The following DOK6 variants were observed in gnomAD, a reference collection of about 807,000 sequenced individuals.
DOK6 encodes docking protein 6, also known as downstream of tyrosine kinase 6.
Under a neutral mutation model 44.0 loss-of-function variants are expected in DOK6, and 22 were observed. That is an observed-to-expected ratio of 0.50 (90% CI 0.36 to 0.71). The LOEUF (loss-of-function observed/expected upper bound fraction) is 0.71, where lower values mean the gene tolerates loss of function less well. Among genes scored for constraint, DOK6 ranks in the 30% least tolerant of loss-of-function variants. The probability of loss-of-function intolerance (pLI) is 0.00; values close to 1 mark genes in which losing one functional copy is unlikely to be tolerated. For missense variants in DOK6, 340 were observed against 416.4 expected (o/e 0.82, Z 1.60); for synonymous variants, 166 against 145.5 (o/e 1.14, Z -1.01).
At chr18:69,697,710 A>T (rs1239176388) in intron 4 of DOK6, among the ~76,000 whole-genome samples, 1 of 152,180 alleles carries the variant, frequency 6.6e-6, no homozygotes, top group East Asian at 1.9e-4. Context: ...ACAGACAGAC[A>T]GTTACAAAGT....
intron 1 of DOK6, among the ~76,000 whole-genome samples, chr18:69,431,151 C>T (rs1188484716): frequency 1.3e-5 from 2 of 152,040 alleles, no homozygotes; most frequent in South Asian, 2.1e-4. Flanking sequence ...GTTATTGCAG[C>T]GTCTAGGGAG....
intron 1 of DOK6, among the ~76,000 whole-genome samples, chr18:69,501,903 T>G (rs749338111): frequency 6.6e-6 from 1 of 152,146 alleles, no homozygotes; most frequent in Non-Finnish European, 1.5e-5. Flanking sequence ...ATTGTTATTA[T>G]GATCACATCC....
intron 7 of DOK6, among the ~76,000 whole-genome samples, chr18:69,758,427 A>G (rs796494515): frequency 3.3e-5 from 5 of 152,224 alleles, no homozygotes; most frequent in African/African-American, 9.6e-5. Context: ...TAAACGGTCA[A>G]TTAGCTAGCA....
intron 5 of DOK6, among the ~76,000 whole-genome samples, chr18:69,712,639 A>G (rs1217363094): frequency 6.6e-6 from 1 of 152,034 alleles, no homozygotes; most frequent in Non-Finnish European, 1.5e-5. Flanking sequence ...GAGGCCAGGA[A>G]TTTGAGACCA....
Position 69,583,980 on chromosome 18 carries a change from C to T in DOK6, c.175-15404C>T, listed in dbSNP as rs969308877. On this transcript the variant is annotated intron_variant, in intron 2 of 7. Coordinates refer to ENST00000382713, the MANE Select transcript of DOK6 (RefSeq NM_152721.6). ...AAAATTAGCCAGGCGTGGTGGCGGG[C>T]GCCTGTAGTCCCAGCTACTCAGGAG... Among the ~76,000 whole-genome samples the T allele has an allele frequency of 1.3e-4, 20 of 151,400 alleles. No homozygotes were observed. In the South Asian group the frequency reaches 2.7e-3, roughly 21 times the overall value.
chr18:69,509,498 C>T (rs1000261346), intron 1 of DOK6, among the ~76,000 whole-genome samples: 4 of 151,836 alleles, frequency 2.6e-5, no homozygotes, highest in South Asian at 2.1e-4. Flanking sequence ...ATTAGCCGGG[C>T]GTGGTGGCGG....
intron 7 of DOK6, among the ~76,000 whole-genome samples, chr18:69,789,248 A>C (rs1980522633): frequency 2.0e-5 from 3 of 152,278 alleles, no homozygotes; most frequent in African/African-American, 7.2e-5. Flanking sequence ...TATTTGTTAA[A>C]TAAAATAATA....
chr18:69,443,798 C>T (rs763258902), intron 1 of DOK6, among the ~76,000 whole-genome samples: 12 of 152,088 alleles, frequency 7.9e-5, no homozygotes, highest in Non-Finnish European at 1.6e-4. Flanking sequence ...CCATAGTATT[C>T]TTGCTCCTGC....
chr18:69,748,911 CCCA>C (rs1979075884), intron 6 of DOK6, among the ~76,000 whole-genome samples: 1 of 152,096 alleles, frequency 6.6e-6, no homozygotes, highest in Admixed American at 6.6e-5. Context: ...AACCCAAATG[CCCA>C]CCAATGATAG....
intron 5 of DOK6, among the ~76,000 whole-genome samples, chr18:69,736,906 G>A (rs34672624): frequency 0.11 from 16,502 of 152,124 alleles, 930 homozygotes; most frequent in Middle Eastern, 0.16. Context: ...GTCACCTTGG[G>A]GTGTGTTAAA....
At chr18:69,490,499 G>A (rs868050395) in intron 1 of DOK6, among the ~76,000 whole-genome samples, 2 of 152,018 alleles carry the variant, frequency 1.3e-5, no homozygotes, top group Admixed American at 6.6e-5. Context: ...TTGTAAAATG[G>A]CATGCCTTTT....
chr18:69,745,801 G>A (rs890706101), intron 6 of DOK6, among the ~76,000 whole-genome samples: 4 of 152,196 alleles, frequency 2.6e-5, no homozygotes, highest in Non-Finnish European at 5.9e-5. Flanking sequence ...TAAAAGCTCA[G>A]TAATTATGAG....
intron 2 of DOK6, among the ~76,000 whole-genome samples, chr18:69,565,962 T>C (rs150952499): frequency 0.01 from 1,587 of 152,208 alleles, 25 homozygotes; most frequent in African/African-American, 0.036. Flanking sequence ...GAACTGCCAG[T>C]TTGTAAAAAT....
chr18:69,817,758 C>T (rs1436933500), intron 7 of DOK6, among the ~76,000 whole-genome samples: 7 of 152,106 alleles, frequency 4.6e-5, no homozygotes, highest in African/African-American at 1.4e-4. Context: ...GAATGTGATC[C>T]GGTCCTGAGT....
In DOK6 at chr18:69,655,211, A is replaced by G. The variant is rs149865939; in HGVS notation, c.290-22523A>G. Among the ~76,000 whole-genome samples the G allele has an allele frequency of 3.0e-3, 462 of 152,316 alleles. 1 individual carries two copies. The highest frequency in any genetic ancestry group is 0.011 in the African/African-American group (439 of 41,564). ...GTACAAGACAAAAAAGCGAATTAGCATCTTAAGAACTGCAAGTAATGGGAA... is the reference window on the plus strand; with the variant it reads ...GTACAAGACAAAAAAGCGAATTAGCGTCTTAAGAACTGCAAGTAATGGGAA... On this transcript the variant is annotated intron_variant, in intron 3 of 7. Transcript: ENST00000382713.
intron 6 of DOK6, among the ~76,000 whole-genome samples, chr18:69,752,827 C>T (rs938791888): frequency 2.0e-5 from 3 of 152,126 alleles, no homozygotes; most frequent in Non-Finnish European, 2.9e-5. Context: ...CCTGGTCCCA[C>T]GGGGTCATGT....
chr18:69,608,594 G>T (rs1984057690), intron 3 of DOK6, among the ~76,000 whole-genome samples: 1 of 152,088 alleles, frequency 6.6e-6, no homozygotes, highest in Non-Finnish European at 1.5e-5. Flanking sequence ...TTTTGGGTAG[G>T]ATGATATTTT....
At chr18:69,576,082 T>C (rs1169315898) in intron 2 of DOK6, among the ~76,000 whole-genome samples, 2 of 152,160 alleles carry the variant, frequency 1.3e-5, no homozygotes, top group African/African-American at 2.4e-5. Flanking sequence ...AAGTGTACAT[T>C]GGCCAAGTTG....
chr18:69,549,232 T>C (rs1167205112), intron 1 of DOK6, among the ~76,000 whole-genome samples: 1 of 151,670 alleles, frequency 6.6e-6, no homozygotes, highest in Non-Finnish European at 1.5e-5. Context: ...TTTGCCAAAA[T>C]GCATGAAATT....
Sources: gnomAD v4.1 joint callset for allele counts (sites outside exome capture counted in the v4.1 genomes callset) on GRCh38, gnomAD v4.1.1 for gene constraint, MANE v1.5 for transcripts, NCBI Gene and HGNC (gene_info 2026-07-23, HGNC 2026-07-21) for gene names.